Variants in ABCB4 observed in about 807,000 individuals in gnomAD.
ABCB4 encodes the protein ATP binding cassette subfamily B member 4.
ABCB4 carries 76 observed loss-of-function variants against 145.7 expected under a neutral mutation model. The ratio of observed to expected loss-of-function variants is 0.52; its 90% CI spans 0.43 to 0.63. The LOEUF (loss-of-function observed/expected upper bound fraction) is 0.63. ABCB4 is among the 30% of genes least tolerant of loss of function. The probability of loss-of-function intolerance (pLI) is 0.00; values close to 1 mark genes in which losing one functional copy is unlikely to be tolerated. For synonymous variants in ABCB4, 517 were observed against 566.8 expected, an observed-to-expected ratio of 0.91 and a Z score of 1.25; for missense variants, 1,234 against 1,553.1, an observed-to-expected ratio of 0.79 and a Z score of 3.45.
intron 4 of ABCB4, among the ~76,000 whole-genome samples, chr7:87,458,471 T>C (rs1275565168): frequency 6.6e-6 from 1 of 152,178 alleles, no homozygotes; most frequent in Non-Finnish European, 1.5e-5. Flanking sequence ...AGTCTGGTTG[T>C]CCAAGCATCC....
chr7:87,451,930 A>G, intron 6 of ABCB4, 136 bp from the exon 7 acceptor site: 3 of 796,586 alleles, frequency 3.8e-6, no homozygotes, highest in South Asian at 1.4e-5. Context: ...AGCCTCTTGA[A>G]TAACATCTTC....
At chr7:87,407,672 G>C (rs1562950153) in intron 25 of ABCB4, among the ~76,000 whole-genome samples, 1 of 152,202 alleles carries the variant, frequency 6.6e-6, no homozygotes, top group Non-Finnish European at 1.5e-5. Context: ...GCGGTGGGGA[G>C]GCAATAAGCA....
chr7:87,444,790 T>C, intron 10 of ABCB4, 72 bp downstream of exon 10: 1 of 1,148,560 alleles, frequency 8.7e-7, no homozygotes, highest in East Asian at 2.6e-5. Context: ...TTCAAAAATA[T>C]GCAAACTAAA....
the ABCB4 span, among the ~76,000 whole-genome samples, chr7:87,370,673 TC>T: frequency 1.3e-5 from 2 of 152,216 alleles, no homozygotes; most frequent in Non-Finnish European, 2.9e-5. Flanking sequence ...TTAGAACATT[TC>T]TAATACTCCA....
At chr7:87,395,422 T>C in the ABCB4 span, among the ~76,000 whole-genome samples, 1 of 152,214 alleles carries the variant, frequency 6.6e-6, no homozygotes, top group African/African-American at 2.4e-5. Context: ...ATCAATACTT[T>C]GCATCCTTCA....
At chr7:87,412,104 C>T (rs565187074) in intron 22 of ABCB4, 71 bp from the exon 23 acceptor site, 17 of 1,588,034 alleles carry the variant, frequency 1.1e-5, no homozygotes, top group Middle Eastern at 1.7e-4. Flanking sequence ...GGAAAGAGCA[C>T]GGCTTCTAAG....
chr7:87,429,102 G>A (rs45462893), intron 15 of ABCB4, among the ~76,000 whole-genome samples: 4,275 of 152,292 alleles, frequency 0.028, 204 homozygotes, highest in African/African-American at 0.096. Flanking sequence ...TGAGAAAAGA[G>A]TACTGCATTA....
At chr7:87,456,276 G>A (rs1812095001) in intron 4 of ABCB4, among the ~76,000 whole-genome samples, 1 of 152,088 alleles carries the variant, frequency 6.6e-6, no homozygotes, top group South Asian at 2.1e-4. Flanking sequence ...CTCTCAATAA[G>A]GATACTGATA....
intron 21 of ABCB4, among the ~76,000 whole-genome samples, chr7:87,416,576 A>G (rs562069187): frequency 6.6e-5 from 10 of 152,354 alleles, no homozygotes; most frequent in African/African-American, 2.4e-4. Context: ...ACTTGTAAAT[A>G]AAATGTTTAT....
chr7:87,409,257 G>A lies in ABCB4; in HGVS notation c.3060C>T (p.Tyr1020=). The A allele has an allele frequency of 1.9e-6, 3 of 1,614,050 alleles. No homozygotes were observed. The highest frequency in any genetic ancestry group is 1.7e-6 in the Non-Finnish European group (2 of 1,179,990). The part of the protein sequence containing the change: ...LFERQPLIDS[Y]SEEGLKPDKF... ...TTACAGGCTTCAGCCCCTCTTCACT[G>A]TAGCTGTCAATCAGAGGTTGTCTTT... The change falls in exon 24 of 28, where the codon TAC becomes TAT. Residue 1020 remains tyrosine, a synonymous_variant. Transcript: ENST00000649586.
At chr7:87,426,035 A>G (rs1000893460) in intron 16 of ABCB4, among the ~76,000 whole-genome samples, 1 of 152,186 alleles carries the variant, frequency 6.6e-6, no homozygotes, top group African/African-American at 2.4e-5. Context: ...GCAAAAAAAA[A>G]AAATTGAATT....
chr7:87,439,552 T>A, intron 14 of ABCB4, 115 bp downstream of exon 14: 1 of 1,203,430 alleles, frequency 8.3e-7, no homozygotes, highest in Non-Finnish European at 1.2e-6. Flanking sequence ...TACAGCTCCA[T>A]GAGGTAGCTC....
intron 23 of ABCB4, among the ~76,000 whole-genome samples, chr7:87,409,666 A>G (rs776024381): frequency 1.3e-5 from 2 of 152,088 alleles, no homozygotes; most frequent in South Asian, 2.1e-4. Flanking sequence ...TGACTTCCCA[A>G]AGGTTTTTAC....
intron 11 of ABCB4, 40 bp from the exon 12 acceptor site, chr7:87,443,484 A>G: frequency 6.2e-7 from 1 of 1,613,456 alleles, no homozygotes; most frequent in African/African-American, 1.3e-5. Flanking sequence ...CTTCACAACA[A>G]AGCCCTAAAA....
the ABCB4 span, among the ~76,000 whole-genome samples, chr7:87,370,426 G>A: frequency 9.2e-5 from 14 of 152,054 alleles, no homozygotes; most frequent in South Asian, 2.1e-4. Context: ...TAAATAATCC[G>A]CCTGCCTTGG....
chr7:87,442,079 T>A (rs1811028523), intron 12 of ABCB4, among the ~76,000 whole-genome samples: 1 of 152,194 alleles, frequency 6.6e-6, no homozygotes, highest in South Asian at 2.1e-4. Flanking sequence ...AAGATCTTTT[T>A]TTTCTGTTAA....
chr7:87,376,239 C>T, the ABCB4 span, among the ~76,000 whole-genome samples: 1 of 152,022 alleles, frequency 6.6e-6, no homozygotes, highest in Admixed American at 6.6e-5. Flanking sequence ...TGCTTGCCTA[C>T]TCAGAAAATT....
chr7:87,396,500 A>G, the ABCB4 span, among the ~76,000 whole-genome samples: 1 of 152,184 alleles, frequency 6.6e-6, no homozygotes, highest in African/African-American at 2.4e-5. Context: ...GAGCATTGAA[A>G]CTAAAGCAAG....
chr7:87,447,113 T>C lies in ABCB4; in HGVS notation c.926A>G (p.Tyr309Cys). 10 of 1,613,886 alleles carry C rather than the reference T, an allele frequency of 6.2e-6. No homozygotes were observed. Among genetic ancestry groups the C allele is most frequent in the Non-Finnish European group, 7.6e-6 (9 of 1,179,798 alleles). Residue 309 changes from tyrosine (Y) to cysteine (C), a missense_variant, in exon 9 of 28, where the codon TAT (tyrosine) becomes TGT (cysteine). Tyr to Cys is a radical substitution (Grantham distance 194). This residue lies in a region of ABCB4 where 467 missense variants were observed against 632.8 expected (regional missense o/e 0.74). Coordinates refer to ENST00000649586, the MANE Select transcript of ABCB4 (RefSeq NM_000443.4). ...CCAGAAGGCCAGTGCATATGATGCA[T>C]ATATTAACAGGAAGGCAATACCCAT... The part of the protein sequence containing the change: ...ISMGIAFLLI[Y>C]ASYALAFWYG...
Sources: allele counts gnomAD v4.1 joint callset (sites outside exome capture counted in the v4.1 genomes callset), GRCh38; gene constraint gnomAD v4.1.1; regional missense constraint gnomAD v4.1.1; transcripts MANE v1.5; gene names NCBI Gene and HGNC (gene_info 2026-07-23, HGNC 2026-07-21).